Variants in LPIN1 observed in about 807,000 individuals in gnomAD.
LPIN1 encodes the protein phosphatidate phosphatase LPIN1.
Under a neutral mutation model 107.5 loss-of-function variants are expected in LPIN1, and 71 were observed. The observed-to-expected ratio is 0.66, with a 90% CI of 0.55 to 0.80. The LOEUF is 0.80. Ranked by LOEUF, LPIN1 falls within the 30% of genes least tolerant of loss-of-function variation. The probability of loss-of-function intolerance (pLI) is 0.00; values close to 1 mark genes in which losing one functional copy is unlikely to be tolerated. For missense variants in LPIN1, 1,043 were observed against 1,160.6 expected (o/e 0.90, Z 1.47); for synonymous variants, 445 against 452.6 (o/e 0.98, Z 0.21).
chr2:11,702,307 A>G (rs1367627298), intron 1 of LPIN1, among the ~76,000 whole-genome samples: 1 of 152,188 alleles, frequency 6.6e-6, no homozygotes, highest in Non-Finnish European at 1.5e-5. Context: ...TCCGGAGTAC[A>G]CAGGCTGTCC....
chr2:11,804,028 A>G (rs1315509218), intron 15 of LPIN1, among the ~76,000 whole-genome samples: 1 of 152,206 alleles, frequency 6.6e-6, no homozygotes, highest in Non-Finnish European at 1.5e-5. Context: ...TCCCTGAATG[A>G]TGATCTTCCT....
chr2:11,805,504 A>G, intron 17 of LPIN1: 1 of 380,460 alleles, frequency 2.6e-6, no homozygotes, highest in Non-Finnish European at 5.0e-6. Context: ...TATGTTATAT[A>G]TGCCAAGTGA....
chr2:11,781,724 C>T (rs558630376), intron 7 of LPIN1, among the ~76,000 whole-genome samples: 1 of 152,282 alleles, frequency 6.6e-6, no homozygotes, highest in African/African-American at 2.4e-5. Context: ...GCACCCAGAC[C>T]GAGAAGCAGA....
chr2:11,718,551 T>C (rs149001425), intron 2 of LPIN1, among the ~76,000 whole-genome samples: 273 of 152,336 alleles, frequency 1.8e-3, no homozygotes, highest in African/African-American at 6.4e-3. Context: ...TCTTAATCTC[T>C]AATTTGGCTT....
At chr2:11,748,269 C>T (rs572781497) in intron 1 of LPIN1, among the ~76,000 whole-genome samples, 7 of 152,178 alleles carry the variant, frequency 4.6e-5, no homozygotes, top group Non-Finnish European at 7.3e-5. Context: ...CCAGAACAGA[C>T]GGCAGGGGAG....
At chr2:11,746,356 C>G (rs1666906564), upstream of LPIN1, among the ~76,000 whole-genome samples, 1 of 152,172 alleles carries the variant, frequency 6.6e-6, no homozygotes, top group Non-Finnish European at 1.5e-5. Context: ...CCCCAGTCAT[C>G]GGCATAGGTC....
chr2:11,810,643 G>C (rs1219045316), intron 17 of LPIN1, among the ~76,000 whole-genome samples: 1 of 152,136 alleles, frequency 6.6e-6, no homozygotes. Flanking sequence ...CTCAACTGAC[G>C]GACATATGGC....
intron 10 of LPIN1, among the ~76,000 whole-genome samples, chr2:11,785,971 G>A (rs1674506652): frequency 6.6e-6 from 1 of 152,128 alleles, no homozygotes; most frequent in African/African-American, 2.4e-5. Context: ...TTAATACCCA[G>A]CCTCACTGTG....
chr2:11,748,505 T>TA (rs967614247), intron 1 of LPIN1, among the ~76,000 whole-genome samples: 10 of 152,102 alleles, frequency 6.6e-5, no homozygotes, highest in Non-Finnish European at 1.3e-4. Context: ...TTAATTGAGA[T>TA]AAAAAAGAGC....
At chr2:11,814,960 G>A (rs1302531321) in intron 17 of LPIN1, 128 bp from the exon 18 acceptor site, 13 of 835,280 alleles carry the variant, frequency 1.6e-5, no homozygotes, top group African/African-American at 8.4e-5. Flanking sequence ...TGTAGAATGT[G>A]GACTTTTGTA....
intron 1 of LPIN1, among the ~76,000 whole-genome samples, chr2:11,759,900 G>C (rs1381485149): frequency 3.4e-5 from 5 of 145,874 alleles, no homozygotes; most frequent in African/African-American, 1.3e-4. Flanking sequence ...GCTGCCGGGC[G>C]GAGACGCTCC....
chr2:11,767,920 GGAAACACGGCAGAA>G, intron 3 of LPIN1, 62 bp downstream of exon 3: 1 of 1,049,588 alleles, frequency 9.5e-7, no homozygotes, highest in Non-Finnish European at 1.5e-6. Context: ...ATGGTTATCT[GGAAACACGGCAGAA>G]GTTTGTGCAA....
chr2:11,816,505 T>C (rs1680598508), intron 18 of LPIN1: 1 of 152,226 alleles, frequency 6.6e-6, no homozygotes, highest in Non-Finnish European at 1.5e-5. Context: ...TTCATTTCCT[T>C]ATTTAAATAT....
In LPIN1 at chr2:11,765,935, A is replaced by C. The variant is rs1012420355; in HGVS notation, c.192+202A>C. Reference sequence around the variant, plus strand: ...AAATTAAAGTGCCGTGGCACACACCACTGTTTATTAAGCTCCTGTATCTGT... The same window carrying C: ...AAATTAAAGTGCCGTGGCACACACCCCTGTTTATTAAGCTCCTGTATCTGT... On this transcript the variant is annotated intron_variant, in intron 2 of 20. Coordinates refer to ENST00000674199, the MANE Select transcript of LPIN1 (RefSeq NM_001349206.2). This position sits in a 1 kb window ranked among gnomAD's most constrained non-coding sequence, Gnocchi z 4.4. 2.6e-5 allele frequency among the ~76,000 whole-genome samples: 4 copies of C among 152,184 alleles called. No homozygotes were observed. Among genetic ancestry groups the C allele is most frequent in the African/African-American group, 9.7e-5 (4 of 41,440 alleles).
chr2:11,714,671 G>T (rs1183620460), intron 2 of LPIN1, among the ~76,000 whole-genome samples: 2 of 152,206 alleles, frequency 1.3e-5, no homozygotes, highest in African/African-American at 4.8e-5. Context: ...GGCAGCGTGT[G>T]TGGATAGGGA....
chr2:11,709,940 A>G (rs1045551423), intron 1 of LPIN1, among the ~76,000 whole-genome samples: 1 of 152,208 alleles, frequency 6.6e-6, no homozygotes. Context: ...CATGGCAAGA[A>G]CGGTAGCAGT....
chr2:11,729,947 C>T (rs997013289), intron 1 of LPIN1, among the ~76,000 whole-genome samples: 5 of 151,886 alleles, frequency 3.3e-5, no homozygotes, highest in African/African-American at 9.7e-5. Context: ...GCTTCTTGGA[C>T]CTATAGCTTG....
chr2:11,702,077 C>T (rs1352598052), intron 1 of LPIN1, among the ~76,000 whole-genome samples: 2 of 152,166 alleles, frequency 1.3e-5, no homozygotes, highest in Non-Finnish European at 2.9e-5. Flanking sequence ...AGGAAAATGA[C>T]TTTCACGAAG....
rs537073906 is a variant in LPIN1, at chr2:11,715,288, C to T, written c.138+1476C>T. Reference sequence around the variant, plus strand: ...CCAGCTTCTGGCCCCACGTGCAGGACACACGAGAGGCAGGTAAGGAAAGGC... The same window carrying T: ...CCAGCTTCTGGCCCCACGTGCAGGATACACGAGAGGCAGGTAAGGAAAGGC... On this transcript the variant is annotated intron_variant, in intron 2 of 21. Transcript: ENST00000449576. 5.3e-5 allele frequency among the ~76,000 whole-genome samples: 8 copies of T among 152,340 alleles called. No homozygotes were observed. In the East Asian group the frequency reaches 1.5e-3, roughly 29 times the overall value.
Sources: gnomAD v4.1 joint callset for allele counts (sites outside exome capture counted in the v4.1 genomes callset) on GRCh38, gnomAD v4.1.1 for gene constraint, Gnocchi (gnomAD v3.1) non-coding constraint, MANE v1.5 for transcripts, NCBI Gene and HGNC (gene_info 2026-07-23, HGNC 2026-07-21) for gene names.